The following PRKN variants were observed in gnomAD, a reference collection of about 807,000 sequenced individuals.
PRKN encodes E3 ubiquitin-protein ligase parkin.
Under a neutral mutation model 59.5 loss-of-function variants are expected in PRKN, and 56 were observed. The observed-to-expected ratio is 0.94, with a 90% CI of 0.76 to 1.18. The LOEUF is 1.18. Ranked by LOEUF, PRKN falls within the 50% of genes most tolerant of loss-of-function variation. The probability of loss-of-function intolerance (pLI) is 0.00; values close to 1 mark genes in which losing one functional copy is unlikely to be tolerated. For synonymous variants in PRKN, 250 were observed against 222.1 expected, an observed-to-expected ratio of 1.13 and a Z score of -1.12; for missense variants, 657 against 596.4, an observed-to-expected ratio of 1.10 and a Z score of -1.06.
intron 1 of PRKN, among the ~76,000 whole-genome samples, chr6:162,450,809 G>A (rs542436830): frequency 6.6e-6 from 1 of 152,170 alleles, no homozygotes; most frequent in African/African-American, 2.4e-5. Flanking sequence ...ATGGAATCCT[G>A]GAAAAGAAAA....
At chr6:162,588,169 C>T (rs1781144377) in intron 1 of PRKN, among the ~76,000 whole-genome samples, 1 of 151,658 alleles carries the variant, frequency 6.6e-6, no homozygotes, top group African/African-American at 2.4e-5. Flanking sequence ...TGCCGCCATC[C>T]CTAACTAATT....
chr6:161,444,664 C>T lies in PRKN; in HGVS notation c.1084-57787G>A, dbSNP rs1420140659. Among the ~76,000 whole-genome samples the T allele has an allele frequency of 1.3e-5, 2 of 152,198 alleles. No homozygotes were observed. Among genetic ancestry groups the T allele is most frequent in the African/African-American group, 2.4e-5 (1 of 41,442 alleles). ...CTGTGCTCAGCCTGTCTGCGGGTAG[C>T]GAGGGCTCCTGAGTAACAGCGAGCT... is the stretch of plus-strand genomic sequence containing the variant. On this transcript the variant is annotated intron_variant, in intron 9 of 11. Transcript: ENST00000366898. The surrounding 1 kb of genome is among the most constrained non-coding windows in gnomAD (Gnocchi z 5.6).
In PRKN at chr6:161,579,638, T is replaced by C. The variant is rs986317787; in HGVS notation, c.872-10222A>G. Among the ~76,000 whole-genome samples, 1 of 151,978 alleles carries C rather than the reference T, an allele frequency of 6.6e-6. No homozygotes were observed. The highest frequency in any genetic ancestry group is 2.4e-5 in the African/African-American group (1 of 41,358). On this transcript the variant is annotated intron_variant, in intron 7 of 11. Transcript: ENST00000366898. This position sits in a 1 kb window ranked among gnomAD's most constrained non-coding sequence, Gnocchi z 4.2. ...AAAACCAGTATTAAATAAATATAAG[T>C]CATCGGACTTTAGGAATTGATGCAA...
chr6:162,198,827 T>G (rs185565817), intron 4 of PRKN, among the ~76,000 whole-genome samples: 3 of 152,272 alleles, frequency 2.0e-5, no homozygotes, highest in South Asian at 2.1e-4. Context: ...TGTCAGGCTC[T>G]GGTAAGTACC....
chr6:162,262,572 A>T lies in PRKN; in HGVS notation c.365T>A (p.Ile122Asn), dbSNP rs1420113868. The change falls in exon 3 of 12, where the codon ATT (isoleucine) becomes AAT (asparagine). Residue 122 changes from isoleucine to asparagine, a missense_variant. By Grantham distance (149) the Ile-to-Asn change is moderately radical (BLOSUM62 -3). Transcript: ENST00000366898. ...LPGDSVGLAV[I>N]LHTDSRKDSP... Reference sequence around the variant, plus strand: ...GTCCTTCCTGCTGTCAGTGTGCAGAATGACAGCCAGCCCCACAGAGTCTCC... The same window carrying T: ...GTCCTTCCTGCTGTCAGTGTGCAGATTGACAGCCAGCCCCACAGAGTCTCC... 6.2e-6 allele frequency: 10 copies of T among 1,613,006 alleles called. No homozygotes were observed.
intron 9 of PRKN, among the ~76,000 whole-genome samples, chr6:161,406,693 G>A (rs1013350667): frequency 2.0e-5 from 3 of 152,094 alleles, no homozygotes; most frequent in African/African-American, 4.8e-5. Context: ...TTCTCTGCAG[G>A]CAAAATGGAT....
At chr6:162,538,212 A>G (rs1778796904) in intron 1 of PRKN, among the ~76,000 whole-genome samples, 1 of 152,278 alleles carries the variant, frequency 6.6e-6, no homozygotes, top group Non-Finnish European at 1.5e-5. Context: ...CAGCCTGGCC[A>G]ACATGGTGAA....
intron 2 of PRKN, among the ~76,000 whole-genome samples, chr6:162,279,453 G>T (rs181712864): frequency 6.6e-6 from 1 of 151,422 alleles, no homozygotes; most frequent in Non-Finnish European, 1.5e-5. Context: ...GAAAGAGACA[G>T]AAACAAAGAG....
At chr6:161,382,945 G>T (rs925449798) in intron 10 of PRKN, among the ~76,000 whole-genome samples, 1 of 152,210 alleles carries the variant, frequency 6.6e-6, no homozygotes. Flanking sequence ...CAGCAGAAAC[G>T]AGTCACAAAT....
intron 1 of PRKN, among the ~76,000 whole-genome samples, chr6:162,495,847 GAC>G (rs1562330480): frequency 6.6e-6 from 1 of 152,156 alleles, no homozygotes; most frequent in Non-Finnish European, 1.5e-5. Context: ...GACAGCCTGT[GAC>G]ACAGCCGGTC....
intron 1 of PRKN, among the ~76,000 whole-genome samples, chr6:162,630,135 T>C (rs1026905675): frequency 2.6e-5 from 4 of 152,188 alleles, no homozygotes; most frequent in Non-Finnish European, 2.9e-5. Context: ...GTTCTTACTC[T>C]TACGGTGCAC....
intron 7 of PRKN, among the ~76,000 whole-genome samples, chr6:161,646,130 C>A (rs1388028874): frequency 1.3e-5 from 1 of 77,324 alleles, no homozygotes; most frequent in African/African-American, 4.7e-5. Flanking sequence ...GTGGTCACTG[C>A]GTGTGCGTGC....
intron 2 of PRKN, among the ~76,000 whole-genome samples, chr6:162,275,539 C>T: frequency 6.6e-6 from 1 of 152,274 alleles, no homozygotes; most frequent in East Asian, 1.9e-4. Flanking sequence ...AATCCCAGCA[C>T]TTTGAGAGGC....
chr6:162,339,599 G>A (rs1420468795), intron 2 of PRKN, among the ~76,000 whole-genome samples: 3 of 151,534 alleles, frequency 2.0e-5, no homozygotes, highest in Non-Finnish European at 3.0e-5. Flanking sequence ...TGGGAAGTGA[G>A]GAGCCCCTCT....
chr6:162,011,544 C>G (rs867956738), intron 5 of PRKN, among the ~76,000 whole-genome samples: 15 of 125,026 alleles, frequency 1.2e-4, no homozygotes, highest in African/African-American at 4.6e-4. Flanking sequence ...ACTTTCCAGA[C>G]TGACTTTAAG....
At chr6:161,958,314 C>G (rs1001349748) in intron 6 of PRKN, among the ~76,000 whole-genome samples, 5 of 152,026 alleles carry the variant, frequency 3.3e-5, no homozygotes, top group African/African-American at 4.8e-5. Context: ...TCTTCTTATG[C>G]CTGGGAAACC....
intron 9 of PRKN, among the ~76,000 whole-genome samples, chr6:161,500,874 TTC>T (rs1237273407): frequency 7.4e-6 from 1 of 136,026 alleles, no homozygotes; most frequent in Non-Finnish European, 1.6e-5. Flanking sequence ...GTTTTTTTTT[TTC>T]TTTTTTTTTT....
chr6:162,505,642 C>A (rs1328349530), intron 1 of PRKN, among the ~76,000 whole-genome samples: 1 of 152,110 alleles, frequency 6.6e-6, no homozygotes, highest in African/African-American at 2.4e-5. Flanking sequence ...TAACATAAAT[C>A]TTAAGACCAT....
rs2115307171 is a variant in PRKN, at chr6:161,503,175, A to T, written c.1083+45679T>A. ...CTCCCATGTAGAGGGAGGAGATGGG[A>T]TCTGGAAGGCCTGGGTGCTACTTGT... is the stretch of plus-strand genomic sequence containing the variant. On this transcript the variant is annotated intron_variant, in intron 9 of 11. Coordinates refer to ENST00000366898, the MANE Select transcript of PRKN (RefSeq NM_004562.3). The surrounding 1 kb of genome is among the most constrained non-coding windows in gnomAD (Gnocchi z 5.1). Among the ~76,000 whole-genome samples the T allele has an allele frequency of 6.6e-6, 1 of 152,240 alleles. No individual in the cohort carries two copies. Among genetic ancestry groups the T allele is most frequent in the African/African-American group, 2.4e-5 (1 of 41,558 alleles).
Sources: allele counts gnomAD v4.1 joint callset (sites outside exome capture counted in the v4.1 genomes callset), GRCh38; gene constraint gnomAD v4.1.1; non-coding constraint Gnocchi (gnomAD v3.1); transcripts MANE v1.5; gene names NCBI Gene and HGNC (gene_info 2026-07-23, HGNC 2026-07-21).